TRPM8: variants seen among roughly 807,000 people sequenced by gnomAD.
TRPM8 encodes transient receptor potential cation channel subfamily M member 8, also known as TRPM8 cationic channel.
A neutral mutation model predicts 133.7 loss-of-function variants in TRPM8; 110 were observed. The ratio of observed to expected loss-of-function variants is 0.82; its 90% confidence interval spans 0.70 to 0.96. The LOEUF (loss-of-function observed/expected upper bound fraction) is 0.96, where lower values mean the gene tolerates loss of function less well. Ranked by LOEUF, TRPM8 falls within the 40% of genes least tolerant of loss-of-function variation. TRPM8 has a pLI of 0.00. For synonymous variants in TRPM8, 535 were observed against 532.3 expected (o/e 1.01, Z -0.07); for missense variants, 1,291 against 1,379.5 (o/e 0.94, Z 1.02).
rs28902171 is a variant in TRPM8 at position 233,956,690 on chromosome 2, A to G, written c.1362+1440A>G. Among the ~76,000 whole-genome samples, 1,242 of 152,360 alleles carry G rather than the reference A, an allele frequency of 8.2e-3. 16 individuals carry two copies. Among genetic ancestry groups the G allele is most frequent in the African/African-American group, 0.029 (1,190 of 41,576 alleles). On this transcript the variant is annotated intron_variant, in intron 11 of 25. Coordinates refer to ENST00000324695, the MANE Select transcript of TRPM8 (RefSeq NM_024080.5). ...AGACTAAGACTCGATTTATATTAAC[A>G]TGCGATCAGTTTTAATGAGAGCAGC...
chr2:234,014,495 C>T (rs544506799), intron 24 of TRPM8, 67 bp from the exon 25 acceptor site: 7 of 957,712 alleles, frequency 7.3e-6, no homozygotes, highest in African/African-American at 3.5e-5. Flanking sequence ...AGGCACAGAG[C>T]GATAATTTAA....
At chr2:233,919,864 T>TA (rs1210984103) in intron 1 of TRPM8, among the ~76,000 whole-genome samples, 1 of 152,180 alleles carries the variant, frequency 6.6e-6, no homozygotes, top group Non-Finnish European at 1.5e-5. Context: ...AAGCCAAAAT[T>TA]AACATGATAT....
chr2:233,955,028 A>G (rs1215048475), intron 10 of TRPM8, 104 bp from the exon 11 acceptor site: 1 of 766,728 alleles, frequency 1.3e-6, no homozygotes, highest in African/African-American at 1.7e-5. Context: ...GAACATGATC[A>G]GCATTACCTG....
At chr2:233,952,755 G>C (rs535591018) in intron 9 of TRPM8, among the ~76,000 whole-genome samples, 1 of 152,100 alleles carries the variant, frequency 6.6e-6, no homozygotes, top group Admixed American at 6.5e-5. Context: ...GCAGGATGGA[G>C]TCCCAGCTAG....
chr2:234,014,654 G>A lies in TRPM8; in HGVS notation c.*42G>A, dbSNP rs1390069351. On this transcript the variant is annotated splice_region_variant and 3_prime_UTR_variant, in exon 25 of 26. Coordinates refer to ENST00000324695, the MANE Select transcript of TRPM8 (RefSeq NM_024080.5). Reference sequence around the variant, plus strand: ...ATGGAGAAAAATCTAATTATAGCAAGGTGAGTCATTCTAATAGCTTTTTAC... The same window carrying A: ...ATGGAGAAAAATCTAATTATAGCAAAGTGAGTCATTCTAATAGCTTTTTAC... The A allele has an allele frequency of 8.8e-7, 1 of 1,130,598 alleles. No individual in the cohort carries two copies. Among genetic ancestry groups the A allele is most frequent in the South Asian group, 1.5e-5 (1 of 66,224 alleles). 70.0% of individuals were successfully genotyped at this position (1,130,598 alleles called of 1,614,324 possible). A position where few individuals can be genotyped will look rare whatever the true frequency, so the allele number is the denominator to read the frequency against.
At chr2:233,928,415 G>T (rs1157354919) in intron 2 of TRPM8, among the ~76,000 whole-genome samples, 2 of 152,138 alleles carry the variant, frequency 1.3e-5, no homozygotes, top group Non-Finnish European at 1.5e-5. Flanking sequence ...CAGTTCTGGG[G>T]GGTTCCTTTT....
intron 9 of TRPM8, among the ~76,000 whole-genome samples, chr2:233,952,058 G>A (rs1272519590): frequency 2.0e-5 from 3 of 151,994 alleles, no homozygotes; most frequent in African/African-American, 4.8e-5. Flanking sequence ...TCAACTTCTC[G>A]AGAACTTGAC....
chr2:233,969,850 G>T, intron 16 of TRPM8, 43 bp downstream of exon 16: 1 of 1,242,422 alleles, frequency 8.0e-7, no homozygotes, highest in Admixed American at 1.7e-5. Flanking sequence ...GTGTGTGCCA[G>T]TGTGTGTACA....
In TRPM8 at chr2:233,964,580, A is replaced by G. The variant is rs201224816; in HGVS notation, c.1750-48A>G. 4.9e-4 allele frequency: 678 copies of G among 1,390,330 alleles called. 1 individual carries two copies. Among genetic ancestry groups the G allele is most frequent in the Admixed American group, 4.4e-4 (18 of 41,024 alleles). The allele number at this position is 1,390,330 out of a possible 1,614,324, so 86.1% of individuals were successfully genotyped here. On this transcript the variant is annotated intron_variant, in intron 13 of 25. Coordinates refer to ENST00000324695, the MANE Select transcript of TRPM8 (RefSeq NM_024080.5). The stretch of plus-strand genomic sequence containing the variant: ...AAAAAAAAAAAAAAAAAAAAAAAGA[A>G]AAGGAAAAAAAAGAATTAACCTTAA...
intron 3 of TRPM8, among the ~76,000 whole-genome samples, chr2:233,931,524 C>A (rs371985345): frequency 8.5e-5 from 13 of 152,236 alleles, no homozygotes; most frequent in African/African-American, 2.6e-4. Flanking sequence ...GCTTTAGAAC[C>A]AGCTTTGGTT....
At chr2:233,999,363 G>T (rs1033335687) in intron 22 of TRPM8, among the ~76,000 whole-genome samples, 2 of 151,134 alleles carry the variant, frequency 1.3e-5, no homozygotes, top group African/African-American at 5.0e-5. Context: ...GGCCCCTGAG[G>T]CTGTGGCTCA....
chr2:233,923,521 C>A (rs1021258554), intron 1 of TRPM8, among the ~76,000 whole-genome samples: 7 of 152,166 alleles, frequency 4.6e-5, no homozygotes, highest in Admixed American at 1.3e-4. Context: ...CTCTGCCTGC[C>A]CAATGCTGCC....
chr2:233,972,658 G>A (rs372649946), intron 17 of TRPM8, among the ~76,000 whole-genome samples: 3 of 152,344 alleles, frequency 2.0e-5, no homozygotes, highest in Non-Finnish European at 4.4e-5. Context: ...GTGCAGCGCC[G>A]GTGGGCCGGC....
At chr2:234,014,447 A>G (rs939943471) in intron 24 of TRPM8, 115 bp from the exon 25 acceptor site, 6 of 540,046 alleles carry the variant, frequency 1.1e-5, no homozygotes, top group African/African-American at 1.0e-4. Flanking sequence ...TAGATGTGCC[A>G]TGCTTGCTAT....
intron 5 of TRPM8, among the ~76,000 whole-genome samples, chr2:233,939,952 A>G (rs1433086782): frequency 6.6e-6 from 1 of 152,202 alleles, no homozygotes; most frequent in African/African-American, 2.4e-5. Context: ...ACTGCTATCT[A>G]ACGGTTCATA....
At chr2:233,938,860 G>T in intron 4 of TRPM8, 138 bp from the exon 5 acceptor site, 7 of 894,890 alleles carry the variant, frequency 7.8e-6, no homozygotes, top group South Asian at 3.8e-5. Flanking sequence ...GACCCCCAAT[G>T]CCGCGATCCC....
intron 17 of TRPM8, among the ~76,000 whole-genome samples, chr2:233,970,708 C>A (rs553478789): frequency 1.3e-5 from 2 of 152,044 alleles, no homozygotes; most frequent in Non-Finnish European, 2.9e-5. Context: ...AGAAGAGAGA[C>A]CCTGGATGAT....
At chr2:233,934,055 A>T (rs1223962830) in intron 3 of TRPM8, 1 of 167,032 alleles carries the variant, frequency 6.0e-6, no homozygotes, top group Non-Finnish European at 1.5e-5. Flanking sequence ...TTGGAATAGG[A>T]ATCATTTCCA....
In TRPM8 at chr2:233,942,636, T is replaced by C. The variant is rs756900719; in HGVS notation, c.587T>C (p.Val196Ala). ...YGLMKYIGEV[V>A]RDNTISRSSE... ...CTGATGAAGTACATCGGGGAGGTGG[T>C]GAGAGATAACACCATCAGCAGGAGT... The change falls in exon 6 of 26, where the codon GTG becomes GCG. Residue 196 changes from valine to alanine, a missense_variant. Physicochemically the swap from Val to Ala is moderately conservative, Grantham distance 64 (BLOSUM62 0). Coordinates refer to ENST00000324695, the MANE Select transcript of TRPM8 (RefSeq NM_024080.5). The C allele has an allele frequency of 6.2e-7, 1 of 1,614,058 alleles. No homozygotes were observed.
Sources: gnomAD v4.1 joint callset for allele counts (sites outside exome capture counted in the v4.1 genomes callset) on GRCh38, gnomAD v4.1.1 for gene constraint, MANE v1.5 for transcripts, NCBI Gene and HGNC (gene_info 2026-07-23, HGNC 2026-07-21) for gene names.